Variants in FBXL7 observed in about 807,000 individuals in gnomAD.
The protein encoded by FBXL7 is F-box/LRR-repeat protein 7.
In FBXL7, 12 loss-of-function variants were observed where a neutral mutation model predicts 38.3. The ratio of observed to expected loss-of-function variants is 0.31; its 90% CI spans 0.20 to 0.51. FBXL7 has a LOEUF of 0.51. FBXL7 is among the 20% of genes least tolerant of loss of function. FBXL7 has a pLI of 0.98. For synonymous variants in FBXL7, 297 were observed against 300.9 expected, an observed-to-expected ratio of 0.99 and a Z score of 0.13; for missense variants, 567 against 676.4, an observed-to-expected ratio of 0.84 and a Z score of 1.79.
rs1387968415 is a variant in FBXL7 at position 15,921,742 on chromosome 5, G to T, written c.128-6148G>T. Among the ~76,000 whole-genome samples the T allele has an allele frequency of 4.6e-5, 7 of 152,108 alleles. No individual in the cohort carries two copies. In the East Asian group the frequency reaches 1.3e-3, roughly 29 times the overall value. The stretch of plus-strand genomic sequence containing the variant: ...AAAGTGGCCAACAGGTACATGAAAA[G>T]GTGCTCAATATCACTAATCATCAGG... On this transcript the variant is annotated intron_variant, in intron 2 of 3. Transcript: ENST00000504595.
intron 2 of FBXL7, among the ~76,000 whole-genome samples, chr5:15,921,496 T>C (rs916807378): frequency 6.6e-6 from 1 of 152,166 alleles, no homozygotes; most frequent in African/African-American, 2.4e-5. Context: ...TCCACGCTAA[T>C]ACACAGTAAC....
At chr5:15,716,232 A>G (rs1744040988) in intron 2 of FBXL7, among the ~76,000 whole-genome samples, 1 of 152,212 alleles carries the variant, frequency 6.6e-6, no homozygotes, top group Non-Finnish European at 1.5e-5. Flanking sequence ...TGCTTAGCAG[A>G]TGACATGCTG....
chr5:15,674,208 G>C (rs919969787), intron 2 of FBXL7, among the ~76,000 whole-genome samples: 4 of 152,134 alleles, frequency 2.6e-5, no homozygotes, highest in African/African-American at 7.2e-5. Flanking sequence ...ATCACGCCAG[G>C]CTCAATAAAT....
chr5:15,534,777 C>T (rs1737531794), intron 1 of FBXL7, among the ~76,000 whole-genome samples: 1 of 152,218 alleles, frequency 6.6e-6, no homozygotes, highest in Non-Finnish European at 1.5e-5. Context: ...GTTCCACCAG[C>T]AGTGAATGAG....
intron 2 of FBXL7, among the ~76,000 whole-genome samples, chr5:15,633,588 C>T (rs535279035): frequency 1.7e-4 from 26 of 151,742 alleles, no homozygotes; most frequent in Non-Finnish European, 2.8e-4. Context: ...GGTTTATACT[C>T]GGATGCATCT....
chr5:15,580,486 C>A (rs1041562754), intron 1 of FBXL7: 1 of 292,874 alleles, frequency 3.4e-6, no homozygotes, highest in Non-Finnish European at 5.1e-6. Flanking sequence ...GGTCAATATG[C>A]CATACACTGG....
At chr5:15,669,683 C>G (rs1742402672) in intron 2 of FBXL7, among the ~76,000 whole-genome samples, 1 of 152,156 alleles carries the variant, frequency 6.6e-6, no homozygotes, top group Non-Finnish European at 1.5e-5. Flanking sequence ...TCCCTCCCAC[C>G]CATAAGTTAC....
chr5:15,800,392 T>C (rs1047193908), intron 2 of FBXL7, among the ~76,000 whole-genome samples: 11 of 152,174 alleles, frequency 7.2e-5, no homozygotes, highest in Non-Finnish European at 1.0e-4. Flanking sequence ...CGTTCTGTCT[T>C]CATAAATGAA....
intron 2 of FBXL7, among the ~76,000 whole-genome samples, chr5:15,847,754 A>G (rs901175984): frequency 1.3e-5 from 2 of 152,172 alleles, no homozygotes; most frequent in African/African-American, 4.8e-5. Context: ...CAGAAGAGAG[A>G]CTAGGGCCTT....
intron 2 of FBXL7, among the ~76,000 whole-genome samples, chr5:15,617,483 G>GTC (rs1740495182): frequency 6.6e-6 from 1 of 150,592 alleles, no homozygotes; most frequent in Non-Finnish European, 1.5e-5. Flanking sequence ...TTGAGATGGA[G>GTC]TCTCACTCTT....
intron 2 of FBXL7, among the ~76,000 whole-genome samples, chr5:15,666,572 C>T (rs927523792): frequency 9.9e-5 from 15 of 152,156 alleles, no homozygotes; most frequent in African/African-American, 3.6e-4. Flanking sequence ...CGTTTTTTGA[C>T]AATCATATCA....
At position 15,827,073 on chromosome 5, in the gene FBXL7, C is replaced by T. The variant is rs1019519671; in HGVS notation, c.128-100817C>T. ...CCCATGAACACTTTTTCATTCCTTA[C>T]GGTTTAGTTCAGCCATCATTTCCTC... On this transcript the variant is annotated intron_variant, in intron 2 of 3. Transcript: ENST00000504595. 3.9e-5 allele frequency among the ~76,000 whole-genome samples: 6 copies of T among 152,096 alleles called. 1 individual carries two copies. The highest frequency in any genetic ancestry group is 1.3e-4 in the Admixed American group (2 of 15,268).
chr5:15,767,744 A>G (rs1272908889), intron 2 of FBXL7, among the ~76,000 whole-genome samples: 1 of 152,194 alleles, frequency 6.6e-6, no homozygotes, highest in African/African-American at 2.4e-5. Context: ...TAATAATTAG[A>G]CTCCAATATC....
intron 2 of FBXL7, among the ~76,000 whole-genome samples, chr5:15,661,906 A>AC (rs1170527124): frequency 6.6e-6 from 1 of 152,168 alleles, no homozygotes; most frequent in Non-Finnish European, 1.5e-5. Context: ...GTGTATATGT[A>AC]CCACGTTTTC....
At position 15,733,651 on chromosome 5, in the gene FBXL7, A is replaced by T. The variant is rs191829727; in HGVS notation, c.127+117579A>T. 1.7e-3 allele frequency among the ~76,000 whole-genome samples: 252 copies of T among 152,318 alleles called. 2 individuals are homozygous for T. Among genetic ancestry groups the T allele is most frequent in the African/African-American group, 5.4e-3 (224 of 41,558 alleles). ...GTCTGACATAAATATAACGTGATTA[A>T]AATGTTTGTTGTGGAGGGTGAATGC... On this transcript the variant is annotated intron_variant, in intron 2 of 3. Transcript: ENST00000504595.
intron 2 of FBXL7, among the ~76,000 whole-genome samples, chr5:15,868,850 C>T (rs1342520288): frequency 6.6e-6 from 1 of 152,172 alleles, no homozygotes; most frequent in African/African-American, 2.4e-5. Context: ...TAGTTCTCTT[C>T]CCTACTTCAT....
rs1215357760 is a variant in FBXL7, at chr5:15,937,363, C to G, written c.*177C>G. The G allele has an allele frequency of 1.3e-6, 1 of 767,248 alleles. No individual in the cohort carries two copies. Among genetic ancestry groups the G allele is most frequent in the African/African-American group, 1.8e-5 (1 of 57,066 alleles). The allele number at this position is 767,248 out of a possible 1,614,324, so 47.5% of individuals were successfully genotyped here. A position where few individuals can be genotyped will look rare whatever the true frequency, so the allele number is the denominator to read the frequency against. ...TCATGGGCAACAGAGGCCAAAGAAA[C>G]GAAGCAAGACAAACAGCAAACAGGC... On this transcript the variant is annotated 3_prime_UTR_variant, in exon 4 of 4. Transcript: ENST00000504595.
chr5:15,785,899 A>T (rs1379910802), intron 2 of FBXL7, among the ~76,000 whole-genome samples: 1 of 152,250 alleles, frequency 6.6e-6, no homozygotes, highest in Admixed American at 6.5e-5. Context: ...CTGCAGCAGC[A>T]TGTGGCTCTG....
intron 2 of FBXL7, among the ~76,000 whole-genome samples, chr5:15,858,154 A>G (rs1476662760): frequency 1.3e-5 from 2 of 151,572 alleles, no homozygotes; most frequent in Non-Finnish European, 2.9e-5. Flanking sequence ...TTTTATCCTT[A>G]CAACTATTAG....
Sources: gnomAD v4.1 joint callset for allele counts (sites outside exome capture counted in the v4.1 genomes callset) on GRCh38, gnomAD v4.1.1 for gene constraint, MANE v1.5 for transcripts, NCBI Gene and HGNC (gene_info 2026-07-23, HGNC 2026-07-21) for gene names.